Variants in MECOM observed in about 807,000 individuals in gnomAD.
The protein encoded by MECOM is MDS1 and EVI1 complex locus.
In MECOM, 13 loss-of-function variants were observed where a neutral mutation model predicts 116.3. The ratio of observed to expected loss-of-function variants is 0.11; its 90% confidence interval spans 0.07 to 0.18. The LOEUF (loss-of-function observed/expected upper bound fraction) is 0.18. MECOM is among the 10% of genes least tolerant of loss of function. The probability of loss-of-function intolerance (pLI) is 1.00; values close to 1 mark genes in which losing one functional copy is unlikely to be tolerated. For missense variants in MECOM, 1,299 were observed against 1,509.0 expected (o/e 0.86, Z 2.31); for synonymous variants, 528 against 535.2 (o/e 0.99, Z 0.19).
chr3:169,494,971 A>T (rs1160466479), intron 1 of MECOM, among the ~76,000 whole-genome samples: 1 of 152,194 alleles, frequency 6.6e-6, no homozygotes. Flanking sequence ...ATTCACATCT[A>T]GCTTAAATCT....
intron 2 of MECOM, among the ~76,000 whole-genome samples, chr3:169,238,186 A>AAG (rs1440697742): frequency 1.3e-5 from 2 of 151,570 alleles, no homozygotes; most frequent in African/African-American, 4.8e-5. Flanking sequence ...AAAAAAAAAA[A>AAG]AAAAGAAAAA....
chr3:169,230,503 ATT>A (rs1753249920), intron 2 of MECOM, among the ~76,000 whole-genome samples: 1 of 152,142 alleles, frequency 6.6e-6, no homozygotes, highest in African/African-American at 2.4e-5. Context: ...TTAATTCTCG[ATT>A]TTGTTATTGA....
At chr3:169,103,726 T>C (rs1388054955) in intron 10 of MECOM, among the ~76,000 whole-genome samples, 1 of 152,162 alleles carries the variant, frequency 6.6e-6, no homozygotes, top group Non-Finnish European at 1.5e-5. Context: ...ACAAGACATA[T>C]ATTCTGTGGA....
At chr3:169,628,220 C>T (rs1184077010) in intron 1 of MECOM, among the ~76,000 whole-genome samples, 1 of 152,144 alleles carries the variant, frequency 6.6e-6, no homozygotes, top group East Asian at 1.9e-4. Context: ...GGGAAAGCCT[C>T]AAATATCTTA....
chr3:169,450,485 G>A (rs1368727490), intron 1 of MECOM, among the ~76,000 whole-genome samples: 2 of 151,886 alleles, frequency 1.3e-5, no homozygotes, highest in South Asian at 2.1e-4. Flanking sequence ...AGCAAGGCCT[G>A]GTGACTGGAA....
intron 2 of MECOM, among the ~76,000 whole-genome samples, chr3:169,363,614 T>C (rs1728679736): frequency 6.6e-6 from 1 of 151,954 alleles, no homozygotes. Flanking sequence ...TCAGCAGTAA[T>C]AGAAATGGTG....
chr3:169,261,745 A>AGGAGAAAAGAAG (rs1553783512), intron 2 of MECOM, among the ~76,000 whole-genome samples: 1 of 150,232 alleles, frequency 6.7e-6, no homozygotes, highest in Non-Finnish European at 1.5e-5. Flanking sequence ...GAGAAGGAGA[A>AGGAGAAAAGAAG]AAGAAGAAGA....
intron 1 of MECOM, among the ~76,000 whole-genome samples, chr3:169,507,723 G>C (rs1236575003): frequency 7.3e-6 from 1 of 136,472 alleles, no homozygotes; most frequent in Non-Finnish European, 1.5e-5. Context: ...GTGCAGTGGC[G>C]CGATCTCGGC....
rs183629105 is a variant in MECOM, at chr3:169,147,431, G to C, written c.376-3599C>G. 1.7e-4 allele frequency: 165 copies of C among 985,442 alleles called. 1 individual carries two copies. In the South Asian group the frequency reaches 1.7e-3, roughly 10 times the overall value. The allele number at this position is 985,442 out of a possible 1,614,324, so 61.0% of individuals were successfully genotyped here. On this transcript the variant is annotated intron_variant, in intron 2 of 16. Transcript: ENST00000651503. ...CGGCCATCCAGAAAGAACCCGGGGCGAGGGAGAAAGGGAGCTATCTCCCGC... is the reference window on the plus strand; with the variant it reads ...CGGCCATCCAGAAAGAACCCGGGGCCAGGGAGAAAGGGAGCTATCTCCCGC...
chr3:169,200,581 A>G (rs1749014737), intron 2 of MECOM, among the ~76,000 whole-genome samples: 1 of 152,100 alleles, frequency 6.6e-6, no homozygotes, highest in African/African-American at 2.4e-5. Context: ...GGCAGACATA[A>G]TGCCGAGCAA....
Position 169,596,987 on chromosome 3 carries a change from T to C in MECOM, c.37+66349A>G, listed in dbSNP as rs187727082. Among the ~76,000 whole-genome samples the C allele has an allele frequency of 1.0e-3, 157 of 152,266 alleles. 1 individual carries two copies. Among genetic ancestry groups the C allele is most frequent in the Admixed American group, 8.9e-3 (136 of 15,296 alleles). On this transcript the variant is annotated intron_variant, in intron 1 of 16. Coordinates refer to ENST00000651503, the MANE Select transcript of MECOM (RefSeq NM_004991.4). Reference sequence around the variant, plus strand: ...GTTTCTTAGGACAATGAAAGTTTTATGGGGAGTTGAGGGGTTGGAAGGAGG... The same window carrying C: ...GTTTCTTAGGACAATGAAAGTTTTACGGGGAGTTGAGGGGTTGGAAGGAGG...
intron 2 of MECOM, among the ~76,000 whole-genome samples, chr3:169,312,926 T>C (rs1397231312): frequency 6.6e-6 from 1 of 152,048 alleles, no homozygotes; most frequent in African/African-American, 2.4e-5. Context: ...AACTGCGACA[T>C]TGGAAAGAAA....
intron 3 of MECOM, among the ~76,000 whole-genome samples, chr3:169,141,371 G>C (rs1005564387): frequency 6.6e-6 from 1 of 152,020 alleles, no homozygotes; most frequent in Non-Finnish European, 1.5e-5. Context: ...TGTCATTAAT[G>C]CTTAATAATT....
rs1560061125 is a variant in MECOM at position 169,263,122 on chromosome 3, TA to T, written c.375+118064del. 1.0e-3 allele frequency among the ~76,000 whole-genome samples: 76 copies of T among 73,772 alleles called. 5 individuals carry two copies. The highest frequency in any genetic ancestry group is 4.2e-3 in the African/African-American group (61 of 14,464). The allele number at this position is 73,772 out of a possible 152,430, so 48.4% of individuals were successfully genotyped here. A position where few individuals can be genotyped will look rare whatever the true frequency, so the allele number is the denominator to read the frequency against. ...ATATATATATATATATATATATATA[TA>T]TATATGTTTTTTTTTTTTTTTTTGA... On this transcript the variant is annotated intron_variant, in intron 2 of 16. Coordinates refer to ENST00000651503, the MANE Select transcript of MECOM (RefSeq NM_004991.4).
rs1718810262 is a variant in MECOM at position 169,089,106 on chromosome 3, C to T, written c.3479G>A (p.Arg1160Lys). ...IRHFTDSLKM[R>K]KMEDNQYSEA... ...AGAATATTGATTATCTTCCATTTTC[C>T]TCATTTTGAGGCTATCTGTGAAGTG... The change falls in exon 16 of 17, where the codon AGG becomes AAG. Residue 1160 changes from arginine (R) to lysine (K), a missense_variant. Around this residue, in one of 6 missense-constraint regions of MECOM, gnomAD observed 273 missense variants for 289.3 expected, o/e 0.94. Coordinates refer to ENST00000651503, the MANE Select transcript of MECOM (RefSeq NM_004991.4). 6.2e-7 allele frequency: 1 copy of T among 1,609,966 alleles called. No individual in the cohort carries two copies. Among genetic ancestry groups the T allele is most frequent in the East Asian group, 2.2e-5 (1 of 44,604 alleles).
chr3:169,097,331 G>A (rs1437166491), intron 12 of MECOM, among the ~76,000 whole-genome samples: 1 of 151,988 alleles, frequency 6.6e-6, no homozygotes, highest in East Asian at 1.9e-4. Flanking sequence ...CTCTGCTAAA[G>A]TCTTGGCCAG....
intron 6 of MECOM, among the ~76,000 whole-genome samples, chr3:169,121,476 G>T (rs3851379): frequency 6.6e-6 from 1 of 151,970 alleles, no homozygotes; most frequent in African/African-American, 2.4e-5. Flanking sequence ...CATATTCAAG[G>T]CCTTTTTGAT....
chr3:169,557,511 A>C (rs991616832), intron 1 of MECOM, among the ~76,000 whole-genome samples: 7 of 152,230 alleles, frequency 4.6e-5, no homozygotes, highest in African/African-American at 1.7e-4. Flanking sequence ...AGGGCCAGGC[A>C]ACCTGAAGCT....
chr3:169,340,137 C>T (rs1384327669), intron 2 of MECOM, among the ~76,000 whole-genome samples: 2 of 152,136 alleles, frequency 1.3e-5, no homozygotes, highest in East Asian at 3.9e-4. Flanking sequence ...CTTTTATCAC[C>T]ACGATTTTTG....
Sources: gnomAD v4.1 joint callset for allele counts (sites outside exome capture counted in the v4.1 genomes callset) on GRCh38, gnomAD v4.1.1 for gene constraint, gnomAD v4.1.1 regional missense constraint, MANE v1.5 for transcripts, NCBI Gene and HGNC (gene_info 2026-07-23, HGNC 2026-07-21) for gene names.